Variants in RASAL2 observed in about 807,000 individuals in gnomAD.
RASAL2 encodes RAS protein activator like 2.
Under a neutral mutation model 128.9 loss-of-function variants are expected in RASAL2, and 58 were observed. The ratio of observed to expected loss-of-function variants is 0.45; its 90% CI spans 0.36 to 0.56. The LOEUF (loss-of-function observed/expected upper bound fraction) is 0.56, where lower values mean the gene tolerates loss of function less well. RASAL2 is among the 20% of genes least tolerant of loss of function. The probability of loss-of-function intolerance (pLI) is 0.00; values close to 1 mark genes in which losing one functional copy is unlikely to be tolerated. For synonymous variants in RASAL2, 561 were observed against 580.8 expected (o/e 0.97, Z 0.49); for missense variants, 1,360 against 1,601.6 (o/e 0.85, Z 2.57).
rs1454360788 is a variant in RASAL2 at position 178,441,601 on chromosome 1, G to C, written c.881G>C (p.Arg294Thr). 6.2e-7 allele frequency: 1 copy of C among 1,612,616 alleles called. No individual in the cohort carries two copies. The highest frequency in any genetic ancestry group is 8.5e-7 in the Non-Finnish European group (1 of 1,179,184). Reference protein sequence around the residue: ...KCFSCNSASERDKWMENLRRT... With the variant: ...KCFSCNSASETDKWMENLRRT... ...TTCAGCTGTAATTCTGCTTCTGAGAGAGACAAGTGGATGGAAAACCTTCGC... is the reference window on the plus strand; with the variant it reads ...TTCAGCTGTAATTCTGCTTCTGAGACAGACAAGTGGATGGAAAACCTTCGC... The change falls in exon 7 of 18, where the codon AGA (arginine) becomes ACA (threonine). Residue 294 changes from arginine to threonine, a missense_variant. Arg to Thr is a moderately conservative substitution (Grantham distance 71). Transcript: ENST00000367649.
intron 3 of RASAL2, among the ~76,000 whole-genome samples, chr1:178,339,688 A>G (rs1669769450): frequency 6.6e-6 from 1 of 152,224 alleles, no homozygotes; most frequent in Non-Finnish European, 1.5e-5. Context: ...TCACTATGTT[A>G]TAATTATTTG....
intron 5 of RASAL2, among the ~76,000 whole-genome samples, chr1:178,432,956 C>T (rs1676017420): frequency 6.6e-6 from 1 of 152,032 alleles, no homozygotes; most frequent in South Asian, 2.1e-4. Flanking sequence ...ATGTAATTCC[C>T]CTTCTACCAC....
intron 1 of RASAL2, among the ~76,000 whole-genome samples, chr1:178,118,545 G>A (rs1659600579): frequency 6.6e-6 from 1 of 152,304 alleles, no homozygotes; most frequent in East Asian, 1.9e-4. Flanking sequence ...TCACAAATGG[G>A]TTGTGGATCT....
At chr1:178,433,595 C>T (rs1403994871) in intron 5 of RASAL2, among the ~76,000 whole-genome samples, 1 of 151,916 alleles carries the variant, frequency 6.6e-6, no homozygotes, top group Non-Finnish European at 1.5e-5. Flanking sequence ...GAAAGCAAAT[C>T]AGTTATGAGT....
intron 1 of RASAL2, among the ~76,000 whole-genome samples, chr1:178,187,320 A>G (rs894142376): frequency 4.6e-5 from 7 of 152,038 alleles, no homozygotes; most frequent in Non-Finnish European, 7.4e-5. Flanking sequence ...CTACTGTTCT[A>G]TTCATCAAGT....
intron 1 of RASAL2, among the ~76,000 whole-genome samples, chr1:178,270,505 AT>A (rs1553202586): frequency 6.6e-6 from 1 of 151,974 alleles, no homozygotes; most frequent in Non-Finnish European, 1.5e-5. Context: ...TTATTAAAAA[AT>A]ATCTTATTTT....
At chr1:178,464,930 T>G (rs1001287734) in intron 15 of RASAL2, among the ~76,000 whole-genome samples, 5 of 151,442 alleles carry the variant, frequency 3.3e-5, no homozygotes, top group African/African-American at 1.2e-4. Context: ...TTAGATTTTG[T>G]TTTTTTGTTT....
At chr1:178,123,490 A>G (rs1659786509) in intron 1 of RASAL2, among the ~76,000 whole-genome samples, 1 of 152,206 alleles carries the variant, frequency 6.6e-6, no homozygotes, top group Admixed American at 6.5e-5. Context: ...TAATGCTTCT[A>G]AAAACTACAT....
At chr1:178,231,131 C>G (rs1229561020) in intron 1 of RASAL2, among the ~76,000 whole-genome samples, 1 of 152,166 alleles carries the variant, frequency 6.6e-6, no homozygotes, top group Non-Finnish European at 1.5e-5. Flanking sequence ...CTGCCTTTCC[C>G]TGGTGCTGGC....
At chr1:178,099,193 A>C (rs1198995117) in intron 1 of RASAL2, among the ~76,000 whole-genome samples, 1 of 152,222 alleles carries the variant, frequency 6.6e-6, no homozygotes, top group Non-Finnish European at 1.5e-5. Context: ...TAAATGTCTT[A>C]ATTTCCTCAG....
At chr1:178,400,750 T>TTAAG (rs1415169829) in intron 4 of RASAL2, among the ~76,000 whole-genome samples, 1 of 151,984 alleles carries the variant, frequency 6.6e-6, no homozygotes, top group Non-Finnish European at 1.5e-5. Flanking sequence ...ATAGTCAAAA[T>TTAAG]TAATTAATTA....
intron 3 of RASAL2, among the ~76,000 whole-genome samples, chr1:178,384,336 C>CAAGGTAAA (rs1396068924): frequency 6.6e-6 from 1 of 152,076 alleles, no homozygotes; most frequent in African/African-American, 2.4e-5. Flanking sequence ...AAATATCTTT[C>CAAGGTAAA]TACATTTTAT....
chr1:178,286,770 A>G (rs1667050462), intron 2 of RASAL2, among the ~76,000 whole-genome samples: 1 of 152,042 alleles, frequency 6.6e-6, no homozygotes, highest in Non-Finnish European at 1.5e-5. Flanking sequence ...CTGGGCCATT[A>G]TTATCTCCAA....
intron 3 of RASAL2, among the ~76,000 whole-genome samples, chr1:178,367,477 A>G (rs907925302): frequency 2.0e-5 from 3 of 151,874 alleles, no homozygotes; most frequent in Admixed American, 6.6e-5. Flanking sequence ...TTATCTTACT[A>G]TTTCTCTTCC....
At chr1:178,337,886 C>T (rs912026648) in intron 3 of RASAL2, among the ~76,000 whole-genome samples, 1 of 151,866 alleles carries the variant, frequency 6.6e-6, no homozygotes, top group African/African-American at 2.4e-5. Flanking sequence ...CGCCTGCCAC[C>T]ACGCCTGGCT....
chr1:178,467,644 G>C (rs191907706), intron 17 of RASAL2, among the ~76,000 whole-genome samples: 1 of 152,214 alleles, frequency 6.6e-6, no homozygotes. Flanking sequence ...AGCGTGTTTA[G>C]TGCAGTTGCT....
intron 9 of RASAL2, among the ~76,000 whole-genome samples, chr1:178,447,329 AT>A (rs201356896): frequency 5.9e-4 from 89 of 150,658 alleles, no homozygotes; most frequent in Non-Finnish European, 8.1e-4. Context: ...CTTAAAAAAA[AT>A]AAATAAATAA....
chr1:178,238,511 A>G (rs1664355035), intron 1 of RASAL2, among the ~76,000 whole-genome samples: 1 of 152,008 alleles, frequency 6.6e-6, no homozygotes, highest in Admixed American at 6.6e-5. Context: ...TAAATTTTCC[A>G]TTTGTTATCT....
chr1:178,139,537 C>T (rs1170505969), intron 1 of RASAL2, among the ~76,000 whole-genome samples: 1 of 151,978 alleles, frequency 6.6e-6, no homozygotes, highest in Non-Finnish European at 1.5e-5. Flanking sequence ...AACTTTAATT[C>T]CCAATATGGC....
Sources: gnomAD v4.1 joint callset for allele counts (sites outside exome capture counted in the v4.1 genomes callset) on GRCh38, gnomAD v4.1.1 for gene constraint, MANE v1.5 for transcripts, NCBI Gene and HGNC (gene_info 2026-07-23, HGNC 2026-07-21) for gene names.